The following OR2L13 variants were observed in gnomAD, a reference collection of about 807,000 sequenced individuals.
OR2L13 encodes the protein olfactory receptor 2L13.
In OR2L13, 14 loss-of-function variants were observed where a neutral mutation model predicts 15.3. The ratio of observed to expected loss-of-function variants is 0.91; its 90% confidence interval spans 0.60 to 1.43. The LOEUF is 1.43. Ranked by LOEUF, OR2L13 falls within the 40% of genes most tolerant of loss-of-function variation. The pLI, the probability that OR2L13 is intolerant of heterozygous loss-of-function variation, is 0.00. For missense variants in OR2L13, 367 were observed against 387.9 expected, an observed-to-expected ratio of 0.95 and a Z score of 0.45; for synonymous variants, 152 against 142.9, an observed-to-expected ratio of 1.06 and a Z score of -0.45.
the OR2L13 span, among the ~76,000 whole-genome samples, chr1:248,053,366 T>C: frequency 6.6e-6 from 1 of 152,238 alleles, no homozygotes. Context: ...AATGGACATT[T>C]GGGTTGATTC....
the OR2L13 span, among the ~76,000 whole-genome samples, chr1:248,030,576 C>G: frequency 1.3e-5 from 2 of 152,090 alleles, no homozygotes; most frequent in African/African-American, 4.8e-5. Context: ...GTAACATTTC[C>G]TTGTACCTAC....
the OR2L13 span, among the ~76,000 whole-genome samples, chr1:247,960,758 C>A: frequency 1.3e-5 from 2 of 152,054 alleles, no homozygotes; most frequent in African/African-American, 4.8e-5. Flanking sequence ...GGATTAATCT[C>A]CTGGTGTGCC....
At chr1:248,076,874 A>G in the OR2L13 span, among the ~76,000 whole-genome samples, 5 of 152,300 alleles carry the variant, frequency 3.3e-5, no homozygotes, top group Admixed American at 3.3e-4. Flanking sequence ...AATTTCCAAC[A>G]CTATGTTGAA....
At chr1:247,995,048 TA>T in the OR2L13 span, among the ~76,000 whole-genome samples, 3 of 152,336 alleles carry the variant, frequency 2.0e-5, no homozygotes, top group Non-Finnish European at 4.4e-5. Flanking sequence ...CTCTTCATGT[TA>T]AATTGAATGC....
chr1:248,066,538 G>A, the OR2L13 span, among the ~76,000 whole-genome samples: 2 of 152,292 alleles, frequency 1.3e-5, no homozygotes, highest in Non-Finnish European at 2.9e-5. Context: ...AGAATACAAA[G>A]ATGAATACGT....
At chr1:248,059,546 T>C in the OR2L13 span, among the ~76,000 whole-genome samples, 29 of 152,310 alleles carry the variant, frequency 1.9e-4, no homozygotes, top group African/African-American at 6.0e-4. Flanking sequence ...GAATGGATGA[T>C]GATGAATATT....
At chr1:247,949,348 A>G in the OR2L13 span, 1 of 1,614,052 alleles carries the variant, frequency 6.2e-7, no homozygotes, top group Non-Finnish European at 8.5e-7. Flanking sequence ...TATGTACTCC[A>G]TATTCCTTAT....
the OR2L13 span, among the ~76,000 whole-genome samples, chr1:248,072,293 G>C: frequency 1.3e-5 from 2 of 152,160 alleles, no homozygotes; most frequent in African/African-American, 2.4e-5. Context: ...TAGATCAATG[G>C]AACAGAACAG....
the OR2L13 span, among the ~76,000 whole-genome samples, chr1:247,967,837 C>T: frequency 1.3e-5 from 2 of 150,376 alleles, no homozygotes; most frequent in South Asian, 4.2e-4. Context: ...GTAAGTTCTC[C>T]TCCTCTTCCT....
At chr1:248,070,885 A>T in the OR2L13 span, among the ~76,000 whole-genome samples, 5 of 152,246 alleles carry the variant, frequency 3.3e-5, no homozygotes, top group African/African-American at 1.2e-4. Context: ...GAAGAAATGG[A>T]TAAATTCCTC....
At chr1:248,061,161 A>G in the OR2L13 span, 9 of 1,613,238 alleles carry the variant, frequency 5.6e-6, no homozygotes, top group Non-Finnish European at 7.6e-6. Flanking sequence ...CTCACACTGT[A>G]TATGTACTCC....
chr1:248,062,440 C>G, the OR2L13 span: 1 of 152,122 alleles, frequency 6.6e-6, no homozygotes, highest in African/African-American at 2.4e-5. Context: ...AATGAACAGT[C>G]TTGGGTCTGT....
chr1:248,079,619 A>AG, the OR2L13 span, among the ~76,000 whole-genome samples: 1 of 152,306 alleles, frequency 6.6e-6, no homozygotes, highest in East Asian at 1.9e-4. Flanking sequence ...ATATAGACAA[A>AG]GGGTAAAACA....
At chr1:248,026,894 C>T in the OR2L13 span, among the ~76,000 whole-genome samples, 1 of 151,670 alleles carries the variant, frequency 6.6e-6, no homozygotes, top group Non-Finnish European at 1.5e-5. Context: ...ATTAACTGCA[C>T]AAATTGTTTG....
the OR2L13 span, among the ~76,000 whole-genome samples, chr1:247,970,263 G>A: frequency 6.6e-6 from 1 of 151,768 alleles, no homozygotes; most frequent in Admixed American, 6.6e-5. Flanking sequence ...CATGACATTT[G>A]CCTGTCAATT....
the OR2L13 span, among the ~76,000 whole-genome samples, chr1:247,966,993 C>T: frequency 1.3e-5 from 2 of 151,364 alleles, no homozygotes; most frequent in Non-Finnish European, 2.9e-5. Context: ...ATTGATGTGA[C>T]TCTTTTCCTT....
At chr1:248,048,612 A>C in the OR2L13 span, among the ~76,000 whole-genome samples, 1 of 152,166 alleles carries the variant, frequency 6.6e-6, no homozygotes, top group Non-Finnish European at 1.5e-5. Flanking sequence ...TTAAGGAATT[A>C]AGGTTGACTC....
chr1:247,987,154 T>C, the OR2L13 span, among the ~76,000 whole-genome samples: 20 of 152,326 alleles, frequency 1.3e-4, no homozygotes, highest in Middle Eastern at 3.4e-3. Context: ...GTTTTGTTTC[T>C]GTCACATTCA....
the OR2L13 span, chr1:247,991,243 A>G: frequency 4.4e-6 from 6 of 1,360,920 alleles, no homozygotes; most frequent in African/African-American, 5.9e-5. Context: ...CGCTAGGTTC[A>G]TATCAACTCA....
Sources: allele counts gnomAD v4.1 joint callset (sites outside exome capture counted in the v4.1 genomes callset), GRCh38; gene constraint gnomAD v4.1.1; transcripts MANE v1.5; gene names NCBI Gene and HGNC (gene_info 2026-07-23, HGNC 2026-07-21).